BBOF1: variants seen among roughly 807,000 people sequenced by gnomAD.
The protein encoded by BBOF1 is basal body orientation factor 1.
Under a neutral mutation model 68.0 loss-of-function variants are expected in BBOF1, and 62 were observed. That is an observed-to-expected ratio of 0.91 (90% confidence interval 0.74 to 1.13). The LOEUF (loss-of-function observed/expected upper bound fraction) is 1.13, where lower values mean the gene tolerates loss of function less well. BBOF1 is among the 50% of genes most tolerant of loss of function. BBOF1 has a pLI of 0.00. For missense variants in BBOF1, 534 were observed against 600.1 expected (o/e 0.89, Z 1.15); for synonymous variants, 208 against 198.8 (o/e 1.05, Z -0.39).
At chr14:74,046,562 A>G (rs1296062341) in intron 6 of BBOF1, among the ~76,000 whole-genome samples, 1 of 151,836 alleles carries the variant, frequency 6.6e-6, no homozygotes. Flanking sequence ...TAGTAGAGAC[A>G]GGGTTTCGCC....
In BBOF1 at chr14:74,023,148, G is replaced by T; in HGVS notation, c.285+4G>T. 1 of 1,553,754 alleles carries T rather than the reference G, an allele frequency of 6.4e-7. No individual in the cohort carries two copies. Among genetic ancestry groups the T allele is most frequent in the Non-Finnish European group, 8.7e-7 (1 of 1,143,164 alleles). ...GGATCAGGAGAAAGATAATATGGTAGGTAGGTAGAAAGCCTCCTTGGCCTC... is the reference window on the plus strand; with the variant it reads ...GGATCAGGAGAAAGATAATATGGTATGTAGGTAGAAAGCCTCCTTGGCCTC... On this transcript the variant is annotated splice_donor_region_variant and intron_variant, in intron 2 of 11. Coordinates refer to ENST00000394009, the MANE Select transcript of BBOF1 (RefSeq NM_025057.3).
Position 74,059,589 on chromosome 14 carries a change from G to T in BBOF1, c.1578+2331G>T, listed in dbSNP as rs972788233. Reference sequence around the variant, plus strand: ...GCATGCCTGTAATCCCAGCTACTAGGGGGGCTGAGGCAGGAGAATCGCTTG... The same window carrying T: ...GCATGCCTGTAATCCCAGCTACTAGTGGGGCTGAGGCAGGAGAATCGCTTG... On this transcript the variant is annotated intron_variant, in intron 11 of 11. Transcript: ENST00000394009. 4 of 265,742 alleles carry T rather than the reference G, an allele frequency of 1.5e-5. No individual in the cohort carries two copies. In the Admixed American group the frequency reaches 2.0e-4, roughly 13 times the overall value. 16.5% of individuals were successfully genotyped at this position (265,742 alleles called of 1,614,324 possible). A position where few individuals can be genotyped will look rare whatever the true frequency, so the allele number is the denominator to read the frequency against.
chr14:74,043,781 C>T (rs1257596822), intron 5 of BBOF1, among the ~76,000 whole-genome samples: 1 of 150,840 alleles, frequency 6.6e-6, no homozygotes, highest in African/African-American at 2.4e-5. Flanking sequence ...GACCTGCCCG[C>T]TTCGGCCTCC....
At chr14:74,068,934 C>G (rs150419704), downstream of BBOF1, 17 of 1,613,894 alleles carry the variant, frequency 1.1e-5, no homozygotes, top group African/African-American at 2.3e-4. Context: ...TTGGATCCCA[C>G]AAAGCTGATT....
chr14:74,051,103 G>T (rs1194765925), intron 8 of BBOF1, among the ~76,000 whole-genome samples: 1 of 152,106 alleles, frequency 6.6e-6, no homozygotes, highest in Non-Finnish European at 1.5e-5. Context: ...AATTAGCTGG[G>T]CATGGTGGCA....
chr14:74,046,009 A>C, intron 5 of BBOF1, 51 bp from the exon 6 acceptor site: 1 of 1,503,376 alleles, frequency 6.7e-7, no homozygotes, highest in South Asian at 1.2e-5. Context: ...TTGATGAGTA[A>C]AATTTGTTGT....
At chr14:74,036,015 G>A (rs2059690620) in intron 4 of BBOF1, among the ~76,000 whole-genome samples, 1 of 152,108 alleles carries the variant, frequency 6.6e-6, no homozygotes, top group East Asian at 1.9e-4. Flanking sequence ...TACCACTGCA[G>A]TCCAGTGTAT....
At chr14:74,030,981 G>T (rs969126721) in intron 3 of BBOF1, among the ~76,000 whole-genome samples, 1 of 150,294 alleles carries the variant, frequency 6.7e-6, no homozygotes, top group Non-Finnish European at 1.5e-5. Context: ...TATATATATA[G>T]GTTATATATA....
intron 4 of BBOF1, 29 bp from the exon 5 acceptor site, chr14:74,040,535 AT>A: frequency 7.1e-7 from 1 of 1,416,720 alleles, no homozygotes; most frequent in Non-Finnish European, 9.6e-7. Flanking sequence ...TCTATTGATC[AT>A]TTTTGTTTGT....
At chr14:74,078,185 T>C (rs762832520) in intron 9 of BBOF1, 1 of 455,918 alleles carries the variant, frequency 2.2e-6, no homozygotes, top group South Asian at 1.6e-5. Flanking sequence ...ACTTTGTTTT[T>C]CTTACTTCAG....
chr14:74,057,012 G>A (rs1409465938), intron 10 of BBOF1, 32 bp downstream of exon 10: 4 of 1,594,246 alleles, frequency 2.5e-6, no homozygotes, highest in South Asian at 1.1e-5. Flanking sequence ...TAATAAACAT[G>A]AGCCCAACAC....
chr14:74,073,989 ATTT>A (rs5809644), intron 9 of BBOF1, among the ~76,000 whole-genome samples: 62 of 144,572 alleles, frequency 4.3e-4, no homozygotes, highest in Non-Finnish European at 7.1e-4. Context: ...ACTTTAACTA[ATTT>A]TTTTTTTTTT....
At position 74,029,214 on chromosome 14, in the gene BBOF1, A is replaced by G. The variant is rs749234701; in HGVS notation, c.316A>G (p.Thr106Ala). 43 of 1,563,058 alleles carry G rather than the reference A, an allele frequency of 2.8e-5. No individual in the cohort carries two copies. In the Admixed American group the frequency reaches 8.2e-4, roughly 30 times the overall value. The change falls in exon 3 of 12, where the codon ACA becomes GCA. Residue 106 changes from threonine (T) to alanine (A), a missense_variant. Thr to Ala is a moderately conservative substitution (Grantham distance 58). Coordinates refer to ENST00000394009, the MANE Select transcript of BBOF1 (RefSeq NM_025057.3). Reference protein sequence around the residue: ...IEKLKQQLNETKEKAQEEKDK... With the variant: ...IEKLKQQLNEAKEKAQEEKDK... ...AAAACTGAAACAGCAATTAAATGAA[A>G]CAAAGGAAAAAGCCCAAGAGGAGAA...
At chr14:74,032,695 T>C (rs1036144658) in intron 3 of BBOF1, among the ~76,000 whole-genome samples, 1 of 151,538 alleles carries the variant, frequency 6.6e-6, no homozygotes, top group African/African-American at 2.4e-5. Context: ...GGTTTCACAA[T>C]GTTGGCCAGG....
intron 2 of BBOF1, among the ~76,000 whole-genome samples, chr14:74,026,930 GAA>G (rs111292368): frequency 0.1 from 13,762 of 134,598 alleles, 799 homozygotes; most frequent in South Asian, 0.28. Flanking sequence ...ATCTCAAAAG[GAA>G]AAAAAAAAAA....
chr14:74,020,978 G>C (rs1009706447), intron 1 of BBOF1, among the ~76,000 whole-genome samples: 1 of 152,126 alleles, frequency 6.6e-6, no homozygotes, highest in Non-Finnish European at 1.5e-5. Context: ...TGGGACTTTG[G>C]TTCTCTCCAC....
rs2139766259 is a variant in BBOF1 at position 74,065,455 on chromosome 14, C to T, written c.*756C>T. Reference sequence around the variant, plus strand: ...ACTTTCACTTACTACACATCATTTACGTGGACAACTTTCATATTACTAATC... The same window carrying T: ...ACTTTCACTTACTACACATCATTTATGTGGACAACTTTCATATTACTAATC... On this transcript the variant is annotated 3_prime_UTR_variant, in exon 12 of 12. Coordinates refer to ENST00000394009, the MANE Select transcript of BBOF1 (RefSeq NM_025057.3). 6 of 1,125,500 alleles carry T rather than the reference C, an allele frequency of 5.3e-6. No homozygotes were observed. Among genetic ancestry groups the T allele is most frequent in the Non-Finnish European group, 6.5e-6 (5 of 766,268 alleles). The allele number at this position is 1,125,500 out of a possible 1,614,324, so 69.7% of individuals were successfully genotyped here.
chr14:74,064,050 A>C (rs950313139), intron 11 of BBOF1, among the ~76,000 whole-genome samples: 1 of 151,874 alleles, frequency 6.6e-6, no homozygotes, highest in Non-Finnish European at 1.5e-5. Context: ...CTGTAATCCC[A>C]GTGCTTTGGG....
chr14:74,060,745 C>T (rs763612390), intron 11 of BBOF1: 1 of 1,606,322 alleles, frequency 6.2e-7, no homozygotes, highest in East Asian at 2.2e-5. Context: ...GAATTGGATG[C>T]CCTAAGGAAA....
Sources: allele counts gnomAD v4.1 joint callset (sites outside exome capture counted in the v4.1 genomes callset), GRCh38; gene constraint gnomAD v4.1.1; transcripts MANE v1.5; gene names NCBI Gene and HGNC (gene_info 2026-07-23, HGNC 2026-07-21).